The following DPYD variants were observed in gnomAD, a reference collection of about 807,000 sequenced individuals.
DPYD encodes the protein dihydropyrimidine dehydrogenase [NADP(+)].
A neutral mutation model predicts 116.2 loss-of-function variants in DPYD; 109 were observed. That is an observed-to-expected ratio of 0.94 (90% confidence interval 0.80 to 1.10). DPYD has a LOEUF of 1.10. DPYD is among the 50% of genes least tolerant of loss of function. The pLI, the probability that DPYD is intolerant of heterozygous loss-of-function variation, is 0.00. For synonymous variants in DPYD, 440 were observed against 432.0 expected, an observed-to-expected ratio of 1.02 and a Z score of -0.23; for missense variants, 1,302 against 1,254.5, an observed-to-expected ratio of 1.04 and a Z score of -0.57.
intron 6 of DPYD, 146 bp from the exon 7 acceptor site, chr1:97,691,944 A>G (rs1189911838): frequency 2.5e-5 from 17 of 682,888 alleles, no homozygotes; most frequent in Non-Finnish European, 4.5e-5. Context: ...CAAGATATGC[A>G]TGAGGACATC....
intron 10 of DPYD, among the ~76,000 whole-genome samples, chr1:97,578,212 C>A (rs940336519): frequency 9.2e-5 from 14 of 152,148 alleles, no homozygotes; most frequent in Middle Eastern, 6.8e-3. Context: ...TAAAAGTATT[C>A]TTTTAAGTGC....
At chr1:97,124,073 T>C (rs1652652541) in intron 20 of DPYD, among the ~76,000 whole-genome samples, 1 of 152,150 alleles carries the variant, frequency 6.6e-6, no homozygotes, top group Admixed American at 6.6e-5. Flanking sequence ...AGGAGTATTT[T>C]GCACTCTCAA....
chr1:97,573,684 C>A (rs1010723326), intron 11 of DPYD, 76 bp downstream of exon 11: 1 of 1,569,990 alleles, frequency 6.4e-7, no homozygotes, highest in Non-Finnish European at 8.7e-7. Flanking sequence ...AAAAACAATT[C>A]CCTGAAAGCT....
intron 20 of DPYD, among the ~76,000 whole-genome samples, chr1:97,177,164 G>A (rs1221118372): frequency 1.3e-5 from 2 of 152,036 alleles, no homozygotes; most frequent in African/African-American, 4.8e-5. Context: ...CCTTTTAAGG[G>A]CACAATTATA....
chr1:97,105,733 A>G (rs1467811386), intron 20 of DPYD, among the ~76,000 whole-genome samples: 2 of 152,130 alleles, frequency 1.3e-5, no homozygotes, highest in Non-Finnish European at 2.9e-5. Flanking sequence ...TAAGTAGAGG[A>G]CGACATGCAC....
chr1:97,271,500 A>G (rs530070365), intron 18 of DPYD, among the ~76,000 whole-genome samples: 1 of 152,150 alleles, frequency 6.6e-6, no homozygotes, highest in African/African-American at 2.4e-5. Flanking sequence ...GTCCTCTTAG[A>G]AGAGGTAATG....
At chr1:97,230,180 A>G (rs1661490089) in intron 19 of DPYD, among the ~76,000 whole-genome samples, 1 of 152,246 alleles carries the variant, frequency 6.6e-6, no homozygotes. Flanking sequence ...AGACACATGC[A>G]TATGTATGTT....
At chr1:97,776,655 A>G (rs1666422602) in intron 3 of DPYD, among the ~76,000 whole-genome samples, 1 of 152,204 alleles carries the variant, frequency 6.6e-6, no homozygotes, top group Admixed American at 6.5e-5. Flanking sequence ...TGCACAGACA[A>G]TCTAAAAAAG....
intron 18 of DPYD, among the ~76,000 whole-genome samples, chr1:97,286,685 G>A (rs1476408237): frequency 6.6e-6 from 1 of 151,986 alleles, no homozygotes; most frequent in African/African-American, 2.4e-5. Flanking sequence ...TTCCATCACT[G>A]ATACCCTTTC....
At chr1:97,340,986 C>G (rs74784253) in intron 16 of DPYD, among the ~76,000 whole-genome samples, 9,740 of 152,198 alleles carry the variant, frequency 0.064, 418 homozygotes, top group African/African-American at 0.12. Context: ...TCTAAACCAA[C>G]AGATGACCTA....
chr1:97,111,792 C>G (rs2101625147), intron 20 of DPYD, among the ~76,000 whole-genome samples: 1 of 152,136 alleles, frequency 6.6e-6, no homozygotes, highest in Admixed American at 6.6e-5. Flanking sequence ...AATGAAGGTA[C>G]TGGGTAATTG....
At chr1:97,086,045 G>GTTGTTTTGTTTTGTT (rs539020913) in intron 21 of DPYD, among the ~76,000 whole-genome samples, 2 of 151,836 alleles carry the variant, frequency 1.3e-5, no homozygotes, top group Non-Finnish European at 1.5e-5. Context: ...AAAAGTTGTC[G>GTTGTTTTGTTTTGTT]TTGTTTTGTT....
chr1:97,591,715 T>C lies in DPYD; in HGVS notation c.1128+1503A>G, dbSNP rs72975724. Among the ~76,000 whole-genome samples the C allele has an allele frequency of 1.5e-3, 229 of 152,252 alleles. 1 individual carries two copies. The highest frequency in any genetic ancestry group is 5.3e-3 in the African/African-American group (221 of 41,546). The stretch of plus-strand genomic sequence containing the variant: ...CTTTGGTAATGAAACTTTTCTAACA[T>C]TGGAATCAGAAGGATAAGACTTAAT... On this transcript the variant is annotated intron_variant, in intron 10 of 22. Transcript: ENST00000370192.
intron 14 of DPYD, among the ~76,000 whole-genome samples, chr1:97,413,452 T>A (rs184770420): frequency 6.6e-6 from 1 of 151,812 alleles, no homozygotes; most frequent in Non-Finnish European, 1.5e-5. Flanking sequence ...CTGTCAAGAG[T>A]TTTTCGTTGT....
chr1:97,865,412 T>A (rs1025314015), intron 2 of DPYD, among the ~76,000 whole-genome samples: 6 of 151,938 alleles, frequency 3.9e-5, no homozygotes, highest in Non-Finnish European at 8.8e-5. Context: ...ATATGGAATG[T>A]TAAGACCTAA....
intron 10 of DPYD, among the ~76,000 whole-genome samples, 180 bp from the exon 11 acceptor site, chr1:97,574,150 G>A (rs1653104300): frequency 6.6e-6 from 1 of 152,026 alleles, no homozygotes; most frequent in South Asian, 2.1e-4. Flanking sequence ...ACTGACTCAG[G>A]GAGTCTTGAA....
chr1:97,702,662 T>C (rs1004576078), intron 5 of DPYD, among the ~76,000 whole-genome samples: 29 of 151,914 alleles, frequency 1.9e-4, no homozygotes, highest in African/African-American at 6.8e-4. Context: ...GGAATATAAT[T>C]TGTGCTCAGC....
chr1:97,686,507 G>A (rs945404435), intron 7 of DPYD, among the ~76,000 whole-genome samples: 1 of 151,090 alleles, frequency 6.6e-6, no homozygotes, highest in African/African-American at 2.4e-5. Context: ...CGTGGTAGCG[G>A]GAGCCTGTAG....
intron 16 of DPYD, among the ~76,000 whole-genome samples, chr1:97,353,947 T>C (rs1248379093): frequency 6.6e-6 from 1 of 152,244 alleles, no homozygotes; most frequent in African/African-American, 2.4e-5. Flanking sequence ...TTGAGCCAGA[T>C]GGCCGAGATT....
Sources: gnomAD v4.1 joint callset for allele counts (sites outside exome capture counted in the v4.1 genomes callset) on GRCh38, gnomAD v4.1.1 for gene constraint, MANE v1.5 for transcripts, NCBI Gene and HGNC (gene_info 2026-07-23, HGNC 2026-07-21) for gene names.